MUC4: variants seen among roughly 807,000 people sequenced by gnomAD.
MUC4 encodes mucin 4, cell surface associated.
A neutral mutation model predicts 257.9 loss-of-function variants in MUC4; 202 were observed. The observed-to-expected ratio is 0.78, with a 90% CI of 0.70 to 0.88. The LOEUF (loss-of-function observed/expected upper bound fraction) is 0.88, where lower values mean the gene tolerates loss of function less well. Ranked by LOEUF, MUC4 falls within the 40% of genes least tolerant of loss-of-function variation. The probability of loss-of-function intolerance (pLI) is 0.00; values close to 1 mark genes in which losing one functional copy is unlikely to be tolerated. For missense variants in MUC4, 5,976 were observed against 6,513.7 expected (o/e 0.92, Z 2.84); for synonymous variants, 2,351 against 2,757.1 (o/e 0.85, Z 4.62).
At chr3:195,794,213 C>T (rs2149049382) in intron 1 of MUC4, among the ~76,000 whole-genome samples, 1 of 151,866 alleles carries the variant, frequency 6.6e-6, no homozygotes, top group South Asian at 2.1e-4. Context: ...AGCCACATAC[C>T]ATCTTCGTGA....
Position 195,786,910 on chromosome 3 carries a change from T to TGA in MUC4, c.4669_4670insTC (p.Asp1557ValfsTer1448), listed in dbSNP as rs1732359974. 2 of 1,413,866 alleles carry TGA rather than the reference T, an allele frequency of 1.4e-6. No homozygotes were observed. The highest frequency in any genetic ancestry group is 3.8e-5 in the African/African-American group (2 of 52,568). 87.6% of individuals were successfully genotyped at this position (1,413,866 alleles called of 1,614,324 possible). ...GTGACCTGTGGATACTGAGGAAGCG[T>TGA]CGGTGACAGGAAGAGGGGTGGTGTC... is the stretch of plus-strand genomic sequence containing the variant. On this transcript the variant is annotated frameshift_variant, in exon 2 of 25. Transcript: ENST00000463781. LOFTEE classifies it high-confidence loss of function.
intron 1 of MUC4, among the ~76,000 whole-genome samples, chr3:195,795,940 T>C (rs1322626146): frequency 6.7e-6 from 1 of 148,312 alleles, no homozygotes; most frequent in African/African-American, 2.4e-5. Context: ...GAAAAAAAAT[T>C]TAAGAGACAG....
In MUC4 at chr3:195,746,959, C is replaced by T. The variant is rs1715155192; in HGVS notation, c.*217G>A. The T allele has an allele frequency of 1.3e-5, 9 of 678,186 alleles. No individual in the cohort carries two copies. Among genetic ancestry groups the T allele is most frequent in the Admixed American group, 2.9e-5 (1 of 34,228 alleles). 42.0% of individuals were successfully genotyped at this position (678,186 alleles called of 1,614,324 possible). On this transcript the variant is annotated 3_prime_UTR_variant, in exon 25 of 25. Transcript: ENST00000463781. ...TTCTGTGGGTGTGTCTGCGTGAGGA[C>T]CCATCCATGCATGTTTGATCTTTAT...
rs1718790283 is a variant in MUC4, at chr3:195,761,090, C to T, written c.14642G>A (p.Gly4881Asp). 1 of 1,614,058 alleles carries T rather than the reference C, an allele frequency of 6.2e-7. No homozygotes were observed. Among genetic ancestry groups the T allele is most frequent in the Non-Finnish European group, 8.5e-7 (1 of 1,180,022 alleles). Residue 4881 changes from glycine to aspartate, a missense_variant, in exon 16 of 25, where the codon GGC (glycine) becomes GAC (aspartate). Transcript: ENST00000463781. ...TWQINGTGLL[G>D]KRNDQLPSNF... ...GGAAGGCAGCTGGTCATTCCTCTTG[C>T]CAAGGAGGCCTGTCCCGTTGATCTG...
At chr3:195,772,050 G>A (rs1478111424) in intron 4 of MUC4, among the ~76,000 whole-genome samples, 1 of 152,182 alleles carries the variant, frequency 6.6e-6, no homozygotes, top group Non-Finnish European at 1.5e-5. Context: ...GCTTGGTCCT[G>A]TTTCACTGCA....
At chr3:195,756,754 C>T (rs2148779476) in intron 18 of MUC4, among the ~76,000 whole-genome samples, 2 of 152,096 alleles carry the variant, frequency 1.3e-5, no homozygotes, top group South Asian at 4.2e-4. Context: ...CCTCCACCTC[C>T]CGGGTGCAAG....
chr3:195,771,898 C>T (rs185349312), intron 4 of MUC4, 82 bp from the exon 5 acceptor site: 4 of 1,480,040 alleles, frequency 2.7e-6, no homozygotes, highest in East Asian at 4.6e-5. Flanking sequence ...TCCTCAAAAG[C>T]GTGACCCCCA....
At chr3:195,776,894 C>T (rs1424588186) in intron 3 of MUC4, among the ~76,000 whole-genome samples, 1 of 3,026 alleles carries the variant, frequency 3.3e-4, no homozygotes, top group African/African-American at 1.2e-3. Context: ...ACCTTCCACA[C>T]CCTTACCTTC....
intron 1 of MUC4, among the ~76,000 whole-genome samples, chr3:195,793,555 A>C (rs1734153522): frequency 6.6e-6 from 1 of 152,130 alleles, no homozygotes; most frequent in African/African-American, 2.4e-5. Context: ...GGGGTGCAGG[A>C]TTCCCACAGA....
chr3:195,780,847 G>A lies in MUC4; in HGVS notation c.10733C>T (p.Ser3578Phe). The A allele has an allele frequency of 6.9e-7, 1 of 1,458,692 alleles. No individual in the cohort carries two copies. The highest frequency in any genetic ancestry group is 9.2e-7 in the Non-Finnish European group (1 of 1,092,872). 90.4% of individuals were successfully genotyped at this position (1,458,692 alleles called of 1,614,324 possible). The change falls in exon 2 of 25, where the codon TCC becomes TTC. Residue 3578 changes from serine to phenylalanine, a missense_variant. By Grantham distance (155) the Ser-to-Phe change is radical (BLOSUM62 -2). This residue lies in a region of MUC4 where 59 missense variants were observed against 149.8 expected (regional missense o/e 0.39). Coordinates refer to ENST00000463781, the MANE Select transcript of MUC4 (RefSeq NM_018406.7). ...AAGAAGAGGGGTGGTGTCACCTGTG[G>A]ATACTGAGGAAAGGCTGGTGACAGG... ...PLPVTSLSSV[S>F]TGDTTPLLVT...
At position 195,757,014 on chromosome 3, in the gene MUC4, C is replaced by G; in HGVS notation, c.15168+133G>C. 7.7e-6 allele frequency: 7 copies of G among 904,634 alleles called. No homozygotes were observed. The highest frequency in any genetic ancestry group is 1.2e-5 in the Non-Finnish European group (7 of 592,670). 56.0% of individuals were successfully genotyped at this position (904,634 alleles called of 1,614,324 possible). On this transcript the variant is annotated intron_variant, in intron 18 of 24. Transcript: ENST00000463781. This position sits in a 1 kb window ranked among gnomAD's most constrained non-coding sequence, Gnocchi z 4.8. ...TTGTGGCCTGAGACTGGAATCTGCT[C>G]TACTCACCTACCACTGCTCCACCCA...
chr3:195,789,475 TC>T lies in MUC4; in HGVS notation c.2104del (p.Asp702MetfsTer43). 6.2e-7 allele frequency: 1 copy of T among 1,613,908 alleles called. No individual in the cohort carries two copies. The highest frequency in any genetic ancestry group is 8.5e-7 in the Non-Finnish European group (1 of 1,179,860). ...GGTCGGGGCCTGGGTTGTGTGACCA[TC>T]CCCGGTGGGAGCTGGGGCAAAGGTT... ...ATTFAPAPTG[D>X]GHTTQAPTTA... On this transcript the variant is annotated frameshift_variant, in exon 2 of 25. Transcript: ENST00000463781. LOFTEE classifies it high-confidence loss of function.
chr3:195,771,078 T>C (rs2688506), intron 5 of MUC4, among the ~76,000 whole-genome samples: 9,075 of 42,552 alleles, frequency 0.21, 936 homozygotes, highest in Middle Eastern at 0.26. Context: ...GTCAGTCTCG[T>C]GGCCGGGTTG....
chr3:195,758,889 C>T (rs928927265), intron 17 of MUC4, among the ~76,000 whole-genome samples: 5 of 152,016 alleles, frequency 3.3e-5, no homozygotes, highest in Admixed American at 6.6e-5. Flanking sequence ...GTTCTATGTG[C>T]CCAGAGTCAC....
At chr3:195,769,965 G>A (rs1234718800) in intron 6 of MUC4, among the ~76,000 whole-genome samples, 1 of 151,496 alleles carries the variant, frequency 6.6e-6, no homozygotes, top group Non-Finnish European at 1.5e-5. Context: ...CACTTGCTAT[G>A]TTTCAGCCTA....
In MUC4 at chr3:195,763,469, C is replaced by T. The variant is rs1384476562; in HGVS notation, c.14217G>A (p.Ala4739=). ...SAQATNFIAF[A]AQYRSSSLGP... ...CCAGGCTGCTGGAGCGGTACTGAGC[C>T]GCAAAGGCGATGAAGTTGGTGGCCT... The change falls in exon 12 of 25, where the codon GCG becomes GCA. Residue 4739 remains alanine, a synonymous_variant. Coordinates refer to ENST00000463781, the MANE Select transcript of MUC4 (RefSeq NM_018406.7). The T allele has an allele frequency of 8.0e-6, 12 of 1,492,388 alleles. No individual in the cohort carries two copies. In the East Asian group the frequency reaches 1.0e-4, roughly 13 times the overall value. The allele number at this position is 1,492,388 out of a possible 1,614,324, so 92.4% of individuals were successfully genotyped here. A position where few individuals can be genotyped will look rare whatever the true frequency, so the allele number is the denominator to read the frequency against.
Position 195,787,086 on chromosome 3 carries a change from G to C in MUC4, c.4494C>G (p.Ser1498=), listed in dbSNP as rs1174839512. 2 of 1,310,306 alleles carry C rather than the reference G, an allele frequency of 1.5e-6. No individual in the cohort carries two copies. The highest frequency in any genetic ancestry group is 2.1e-6 in the Non-Finnish European group (2 of 961,408). The allele number at this position is 1,310,306 out of a possible 1,614,324, so 81.2% of individuals were successfully genotyped here. Reference sequence around the variant, plus strand: ...CATGAAGAGGAGTGACGTGACCTGTGGATGCTGAGGAAGTGCTAGTGACAG... The same window carrying C: ...CATGAAGAGGAGTGACGTGACCTGTCGATGCTGAGGAAGTGCTAGTGACAG... ...PLPVTSTSSA[S]TGHVTPLHVT... The change falls in exon 2 of 25, where the codon TCC becomes TCG. Residue 1498 remains serine (S), a synonymous_variant. Coordinates refer to ENST00000463781, the MANE Select transcript of MUC4 (RefSeq NM_018406.7).
At chr3:195,751,547 C>T in intron 21 of MUC4, 1 of 565,148 alleles carries the variant, frequency 1.8e-6, no homozygotes, top group Non-Finnish European at 3.2e-6. Context: ...ACATGAATGG[C>T]CCCTACCTTG....
rs750630374 is a variant in MUC4 at position 195,789,617 on chromosome 3, C to T, written c.1963G>A (p.Val655Ile). ...GTCTTGGTGTCAGTCATGGGGGAGA[C>T]GGACCTCGTGGTTTGTGATTCTTGT... ...TTQESQTTRS[V>I]SPMTDTKTVT... The change falls in exon 2 of 25, where the codon GTC becomes ATC. Residue 655 changes from valine (V) to isoleucine (I), a missense_variant. Transcript: ENST00000463781. 19 of 1,613,750 alleles carry T rather than the reference C, an allele frequency of 1.2e-5. No homozygotes were observed. In the African/African-American group the frequency reaches 1.2e-4, roughly 10 times the overall value.
Sources: allele counts gnomAD v4.1 joint callset (sites outside exome capture counted in the v4.1 genomes callset), GRCh38; gene constraint gnomAD v4.1.1; regional missense constraint gnomAD v4.1.1; non-coding constraint Gnocchi (gnomAD v3.1); transcripts MANE v1.5; gene names NCBI Gene and HGNC (gene_info 2026-07-23, HGNC 2026-07-21).